SMIM35: variants seen among roughly 807,000 people sequenced by gnomAD.
SMIM35 encodes the protein TMPRSS4 antisense RNA 1 (non-protein coding).
chr11:118,067,476 T>G (rs1375149077), intron 1 of SMIM35: 1 of 151,938 alleles, frequency 6.6e-6, no homozygotes, highest in African/African-American at 2.4e-5. Context: ...TGATCAGTAG[T>G]AGGATCATGC....
chr11:118,077,222 T>G, intron 1 of SMIM35: 1 of 1,546,516 alleles, frequency 6.5e-7, no homozygotes, highest in Middle Eastern at 1.7e-4. Flanking sequence ...CCAGGACCTG[T>G]GTGGGGAGGC....
chr11:118,081,648 G>A (rs1029087589), intron 1 of SMIM35, among the ~76,000 whole-genome samples: 2 of 152,252 alleles, frequency 1.3e-5, no homozygotes, highest in Admixed American at 6.5e-5. Flanking sequence ...GTCACAAAAT[G>A]TCCTGCACAT....
Position 118,014,811 on chromosome 11 carries a change from G to A in SMIM35, c.125-70C>T, listed in dbSNP as rs574077496. ...AGCAGTCCGCCACCCTTCTAAGAAC[G>A]TCTGGTGCTCCCTCACCCCTGTCTG... On this transcript the variant is annotated intron_variant, in intron 2 of 4. Coordinates refer to ENST00000689828, the MANE Select transcript of SMIM35 (RefSeq NM_001394165.1). 1.1e-3 allele frequency: 438 copies of A among 398,552 alleles called. 3 individuals carry two copies. The highest frequency in any genetic ancestry group is 8.4e-3 in the African/African-American group (407 of 48,728). The allele number at this position is 398,552 out of a possible 1,614,324, so 24.7% of individuals were successfully genotyped here. A position where few individuals can be genotyped will look rare whatever the true frequency, so the allele number is the denominator to read the frequency against.
intron 1 of SMIM35, among the ~76,000 whole-genome samples, chr11:118,055,434 A>C (rs1944294781): frequency 6.6e-6 from 1 of 151,882 alleles, no homozygotes; most frequent in Non-Finnish European, 1.5e-5. Context: ...ACCTGCCACC[A>C]CCACCCCGGC....
intron 4 of SMIM35, among the ~76,000 whole-genome samples, chr11:118,011,320 C>A (rs1290472673): frequency 2.6e-5 from 4 of 152,214 alleles, no homozygotes; most frequent in Non-Finnish European, 5.9e-5. Context: ...GAGTTCTGAG[C>A]ACTTCCGGGG....
chr11:118,066,583 T>A (rs1368470326), intron 1 of SMIM35, among the ~76,000 whole-genome samples: 1 of 152,224 alleles, frequency 6.6e-6, no homozygotes, highest in Non-Finnish European at 1.5e-5. Flanking sequence ...AAATTATATT[T>A]ACATACATTA....
chr11:118,075,262 G>C (rs1390892548), intron 1 of SMIM35, among the ~76,000 whole-genome samples: 1 of 152,206 alleles, frequency 6.6e-6, no homozygotes, highest in Admixed American at 6.5e-5. Flanking sequence ...AACTCTCAAG[G>C]CCACCAGCCA....
intron 1 of SMIM35, among the ~76,000 whole-genome samples, chr11:118,081,340 TG>T (rs1945111204): frequency 6.6e-6 from 1 of 151,912 alleles, no homozygotes; most frequent in African/African-American, 2.4e-5. Context: ...AGGGGAAGAG[TG>T]GGGCAGAGCC....
At chr11:118,019,802 T>C (rs951495782) in intron 1 of SMIM35, among the ~76,000 whole-genome samples, 4 of 152,216 alleles carry the variant, frequency 2.6e-5, no homozygotes, top group Admixed American at 6.5e-5. Context: ...AAATTAATTT[T>C]CCATCCTTTT....
chr11:118,054,263 G>T (rs574825271), intron 1 of SMIM35, among the ~76,000 whole-genome samples: 1 of 151,232 alleles, frequency 6.6e-6, no homozygotes, highest in Admixed American at 6.7e-5. Context: ...TGTCAACTTT[G>T]TGTGGACGCA....
chr11:118,026,646 G>A (rs1238267458), intron 1 of SMIM35, among the ~76,000 whole-genome samples: 2 of 152,108 alleles, frequency 1.3e-5, no homozygotes, highest in Non-Finnish European at 2.9e-5. Flanking sequence ...GGGAAATAAT[G>A]TATCTACCAA....
chr11:118,040,941 A>C (rs779540134), intron 1 of SMIM35, among the ~76,000 whole-genome samples: 4 of 151,578 alleles, frequency 2.6e-5, no homozygotes, highest in African/African-American at 4.8e-5. Context: ...TATAACAAAA[A>C]TATATTGCAT....
intron 1 of SMIM35, among the ~76,000 whole-genome samples, chr11:118,016,274 C>A (rs1267619345): frequency 1.3e-5 from 2 of 152,186 alleles, no homozygotes; most frequent in Admixed American, 6.5e-5. Flanking sequence ...GCTCTGTTTG[C>A]TGCCTGTACT....
chr11:118,054,457 C>G lies in SMIM35; in HGVS notation c.7+32294G>C, dbSNP rs56146000. Among the ~76,000 whole-genome samples, 1,188 of 152,248 alleles carry G rather than the reference C, an allele frequency of 7.8e-3. 10 individuals carry two copies. The highest frequency in any genetic ancestry group is 0.027 in the African/African-American group (1,122 of 41,532). On this transcript the variant is annotated intron_variant, in intron 1 of 4. Transcript: ENST00000689828. ...CATTGAAGTTTTTGATCAAACTCAT[C>G]CAGAGACTTTGGTTGCTCATGCTGT...
chr11:118,028,730 A>G, intron 1 of SMIM35: 1 of 411,262 alleles, frequency 2.4e-6, no homozygotes, highest in South Asian at 1.8e-5. Flanking sequence ...TCAAGGGGTA[A>G]ATTAGGAGGT....
At chr11:118,066,989 C>T (rs1944484589) in intron 1 of SMIM35, among the ~76,000 whole-genome samples, 2 of 152,048 alleles carry the variant, frequency 1.3e-5, no homozygotes, top group South Asian at 4.1e-4. Flanking sequence ...CTTGTGCTTG[C>T]CTGCATCCTT....
intron 1 of SMIM35, among the ~76,000 whole-genome samples, chr11:118,018,375 G>C (rs1050043009): frequency 2.6e-5 from 4 of 152,166 alleles, no homozygotes; most frequent in African/African-American, 7.2e-5. Context: ...CTGGAGAAGG[G>C]GGACCAGTCA....
At chr11:118,048,564 AGG>A (rs1176430467) in intron 1 of SMIM35, among the ~76,000 whole-genome samples, 4 of 79,204 alleles carry the variant, frequency 5.1e-5, no homozygotes, top group Non-Finnish European at 8.9e-5. Context: ...GAAGGAAGGA[AGG>A]AAGGAAGGAA....
intron 1 of SMIM35, among the ~76,000 whole-genome samples, chr11:118,018,763 C>G (rs1022953940): frequency 2.0e-5 from 3 of 152,136 alleles, no homozygotes; most frequent in African/African-American, 7.2e-5. Flanking sequence ...CTACACAGTG[C>G]CTTCTGACTT....
Sources: gnomAD v4.1 joint callset for allele counts (sites outside exome capture counted in the v4.1 genomes callset) on GRCh38, gnomAD v4.1.1 for gene constraint, MANE v1.5 for transcripts, NCBI Gene and HGNC (gene_info 2026-07-23, HGNC 2026-07-21) for gene names.